DIAPH2: variants seen among roughly 807,000 people sequenced by gnomAD.
DIAPH2 encodes the protein protein diaphanous homolog 2.
A neutral mutation model predicts 92.7 loss-of-function variants in DIAPH2; 35 were observed. The ratio of observed to expected loss-of-function variants is 0.38; its 90% CI spans 0.29 to 0.50. The LOEUF (loss-of-function observed/expected upper bound fraction) is 0.50. Ranked by LOEUF, DIAPH2 falls within the 20% of genes least tolerant of loss-of-function variation. The pLI is 0.94. For synonymous variants in DIAPH2, 301 were observed against 280.4 expected (o/e 1.07, Z -0.73); for missense variants, 701 against 819.5 (o/e 0.86, Z 1.77).
At chrX:96,819,882 C>CA (rs902590390) in intron 4 of DIAPH2, among the ~76,000 whole-genome samples, 9 of 111,089 alleles carry the variant, frequency 8.1e-5, no homozygotes, top group African/African-American at 2.6e-4. Context: ...GACAAGAAGA[C>CA]AAAAAAAATT....
intron 22 of DIAPH2, among the ~76,000 whole-genome samples, chrX:97,243,047 A>G (rs2068110281): frequency 9.1e-6 from 1 of 110,355 alleles, no homozygotes; most frequent in South Asian, 3.8e-4. Flanking sequence ...CAGCCTCCCA[A>G]AGTGCTGGGA....
At chrX:96,689,577 C>T (rs1182762705) in intron 1 of DIAPH2, among the ~76,000 whole-genome samples, 1 of 110,018 alleles carries the variant, frequency 9.1e-6, no homozygotes, top group Non-Finnish European at 1.9e-5. Context: ...CCTTGCCTCT[C>T]CTTAGTACCA....
At chrX:97,391,524 A>AT (rs1293917265) in intron 25 of DIAPH2, among the ~76,000 whole-genome samples, 1 of 111,880 alleles carries the variant, frequency 8.9e-6, no homozygotes, top group East Asian at 2.8e-4. Context: ...CATTGGAACC[A>AT]TAGGATCTTA....
In DIAPH2 at chrX:97,300,475, C is replaced by T. The variant is rs778686974; in HGVS notation, c.2845-47641C>T. ...CATATGATTGATAGTGAAATACATG[C>T]CTATAGTAACTATTTGTAGTTATAT... On this transcript the variant is annotated intron_variant, in intron 23 of 26. Transcript: ENST00000324765. Among the ~76,000 whole-genome samples, 5 of 109,832 alleles carry T rather than the reference C, an allele frequency of 4.6e-5. No individual in the cohort carries two copies. The South Asian group carries it at 1.6e-3, about 35-fold the overall frequency.
rs182364138 is a variant in DIAPH2 at position 97,101,810 on chromosome X, A to G, written c.2349+2015A>G. Among the ~76,000 whole-genome samples, 3 of 112,463 alleles carry G rather than the reference A, an allele frequency of 2.7e-5. No individual in the cohort carries two copies. In the East Asian group the frequency reaches 8.4e-4, roughly 31 times the overall value. On this transcript the variant is annotated intron_variant, in intron 20 of 26. Coordinates refer to ENST00000324765, the MANE Select transcript of DIAPH2 (RefSeq NM_006729.5). ...TAGTATGATTTAAATCTGTAACAAT[A>G]GAAATTTTGCTAAAACATATTTCTC...
intron 23 of DIAPH2, among the ~76,000 whole-genome samples, chrX:97,250,299 G>A (rs1326661776): frequency 2.7e-5 from 3 of 111,553 alleles, no homozygotes; most frequent in Non-Finnish European, 5.6e-5. Flanking sequence ...TACTTAAACA[G>A]TAATCTGTCT....
chrX:97,185,393 GTGTATA>G (rs1183997395), intron 22 of DIAPH2, among the ~76,000 whole-genome samples: 17 of 15,051 alleles, frequency 1.1e-3, no homozygotes, highest in African/African-American at 6.7e-3. Context: ...ATATATATAT[GTGTATA>G]TATATATATA....
intron 21 of DIAPH2, among the ~76,000 whole-genome samples, chrX:97,119,382 G>A (rs140402220): frequency 0.029 from 3,228 of 111,555 alleles, 127 homozygotes; most frequent in Admixed American, 0.15. Context: ...GGGGTTATCT[G>A]CACAAAGGCC....
intron 3 of DIAPH2, among the ~76,000 whole-genome samples, chrX:96,755,631 C>T (rs750766436): frequency 3.1e-4 from 34 of 109,111 alleles, no homozygotes; most frequent in South Asian, 1.2e-3. Context: ...CCAGCCTGGG[C>T]GACAGAGGGA....
intron 4 of DIAPH2, among the ~76,000 whole-genome samples, chrX:96,763,707 T>C (rs1432561751): frequency 2.7e-5 from 3 of 111,546 alleles, no homozygotes; most frequent in Non-Finnish European, 5.7e-5. Flanking sequence ...ATGGCTGTCA[T>C]TTAAAGGTTT....
At chrX:97,042,443 C>T (rs1270310780) in intron 17 of DIAPH2, among the ~76,000 whole-genome samples, 2 of 111,341 alleles carry the variant, frequency 1.8e-5, no homozygotes, top group African/African-American at 6.5e-5. Flanking sequence ...AAATAAAATC[C>T]AGAAAATAGA....
intron 20 of DIAPH2, among the ~76,000 whole-genome samples, chrX:97,109,934 A>G (rs765951669): frequency 1.2e-4 from 14 of 112,006 alleles, no homozygotes; most frequent in Admixed American, 1.1e-3. Flanking sequence ...CCCTTACAGT[A>G]TACAACTTCT....
intron 21 of DIAPH2, among the ~76,000 whole-genome samples, chrX:97,138,747 C>T: frequency 9.0e-6 from 1 of 111,447 alleles, no homozygotes; most frequent in Non-Finnish European, 1.9e-5. Context: ...TGTAGAGTGA[C>T]CATTTTGTTC....
intron 22 of DIAPH2, among the ~76,000 whole-genome samples, chrX:97,243,250 T>G (rs1456306246): frequency 9.6e-6 from 1 of 103,796 alleles, no homozygotes; most frequent in Non-Finnish European, 1.9e-5. Context: ...TTTTTTTTTT[T>G]GTAAAGCTAT....
chrX:97,495,503 T>C (rs758519395), intron 26 of DIAPH2, among the ~76,000 whole-genome samples: 1 of 111,714 alleles, frequency 9.0e-6, no homozygotes, highest in East Asian at 2.8e-4. Context: ...AAAAACTATA[T>C]TTAAGTGGTA....
intron 1 of DIAPH2, among the ~76,000 whole-genome samples, chrX:96,687,722 G>A (rs969051920): frequency 3.6e-5 from 4 of 111,405 alleles, no homozygotes; most frequent in Non-Finnish European, 7.5e-5. Context: ...GAGTATTAGT[G>A]AGAAATTTTT....
rs970318127 is a variant in DIAPH2 at position 97,243,333 on chromosome X, G to C, written c.2720-4382G>C. Reference sequence around the variant, plus strand: ...GCCTGCTTCTCTGGGATTATATCCCGCTCACCCCAACAAGGCCTTAAGAAG... The same window carrying C: ...GCCTGCTTCTCTGGGATTATATCCCCCTCACCCCAACAAGGCCTTAAGAAG... On this transcript the variant is annotated intron_variant, in intron 22 of 26. Transcript: ENST00000324765. 1.4e-4 allele frequency among the ~76,000 whole-genome samples: 14 copies of C among 103,333 alleles called. 1 individual carries two copies. In the Admixed American group the frequency reaches 1.6e-3, roughly 12 times the overall value. 89.7% of individuals were successfully genotyped at this position (103,333 alleles called of 115,157 possible).
Position 97,035,339 on chromosome X carries a change from A to G in DIAPH2, c.2051-37602A>G, listed in dbSNP as rs746373430. Among the ~76,000 whole-genome samples, 5 of 112,413 alleles carry G rather than the reference A, an allele frequency of 4.4e-5. No individual in the cohort carries two copies. The South Asian group carries it at 1.1e-3, about 25-fold the overall frequency. On this transcript the variant is annotated intron_variant, in intron 17 of 26. Coordinates refer to ENST00000324765, the MANE Select transcript of DIAPH2 (RefSeq NM_006729.5). ...GAAATTCAGGAGTTATGCTGTATAA[A>G]GAATTTTAAAATAGTATTTTAACTT...
At chrX:97,442,891 T>G (rs1239922445) in intron 26 of DIAPH2, 1 of 111,780 alleles carries the variant, frequency 8.9e-6, no homozygotes, top group Non-Finnish European at 1.9e-5. Flanking sequence ...TTGTTGTGAT[T>G]GTTTGTTTTG....
Sources: allele counts gnomAD v4.1 joint callset (sites outside exome capture counted in the v4.1 genomes callset), GRCh38; gene constraint gnomAD v4.1.1; transcripts MANE v1.5; gene names NCBI Gene and HGNC (gene_info 2026-07-23, HGNC 2026-07-21).